LRTM1: variants seen among roughly 807,000 people sequenced by gnomAD.
LRTM1 encodes the protein leucine-rich repeat and transmembrane domain-containing protein 1.
Under a neutral mutation model 32.4 loss-of-function variants are expected in LRTM1, and 38 were observed. The ratio of observed to expected loss-of-function variants is 1.17; its 90% CI spans 0.91 to 1.54. The LOEUF (loss-of-function observed/expected upper bound fraction) is 1.54, where lower values mean the gene tolerates loss of function less well. Among genes scored for constraint, LRTM1 ranks in the 40% most tolerant of loss-of-function variants. LRTM1 has a pLI of 0.00. For synonymous variants in LRTM1, 186 were observed against 169.9 expected, an observed-to-expected ratio of 1.09 and a Z score of -0.74; for missense variants, 466 against 415.4, an observed-to-expected ratio of 1.12 and a Z score of -1.06.
intron 1 of LRTM1, among the ~76,000 whole-genome samples, chr3:54,926,271 A>C (rs1701014755): frequency 1.3e-5 from 2 of 152,136 alleles, no homozygotes; most frequent in Admixed American, 6.6e-5. Context: ...AATCCTCATA[A>C]CCTTGTAAAT....
rs74860108 is a variant in LRTM1 at position 54,941,077 on chromosome 3, G to A, written c.-221-15862C>T. Among the ~76,000 whole-genome samples, 15 of 152,304 alleles carry A rather than the reference G, an allele frequency of 9.8e-5. 1 individual carries two copies. In the East Asian group the frequency reaches 2.9e-3, roughly 29 times the overall value. On this transcript the variant is annotated intron_variant, in intron 1 of 2. Transcript: ENST00000493075. Reference sequence around the variant, plus strand: ...TTAAAGCAAATCAAACACTGGACTAGGGGAGGTTTTCCATGGTACGAGTAA... The same window carrying A: ...TTAAAGCAAATCAAACACTGGACTAAGGGAGGTTTTCCATGGTACGAGTAA...
intron 1 of LRTM1, among the ~76,000 whole-genome samples, chr3:54,964,962 C>T (rs992269516): frequency 2.6e-5 from 4 of 152,098 alleles, no homozygotes; most frequent in Admixed American, 6.5e-5. Context: ...ACTTCCTCTG[C>T]GAGCTTTCAG....
At chr3:54,964,793 T>C (rs1227075101) in intron 1 of LRTM1, among the ~76,000 whole-genome samples, 1 of 151,972 alleles carries the variant, frequency 6.6e-6, no homozygotes. Context: ...TATTTGCTTG[T>C]TTGTTGGGGG....
At chr3:54,937,282 A>G (rs79464691) in intron 1 of LRTM1, among the ~76,000 whole-genome samples, 1,724 of 152,336 alleles carry the variant, frequency 0.011, 34 homozygotes, top group African/African-American at 0.039. Flanking sequence ...ACACAGCTCA[A>G]TGAATGGACC....
At chr3:54,961,183 C>A (rs2107046972) in intron 1 of LRTM1, among the ~76,000 whole-genome samples, 1 of 152,326 alleles carries the variant, frequency 6.6e-6, no homozygotes, top group Non-Finnish European at 1.5e-5. Flanking sequence ...TCACTGCTAG[C>A]AATCTTTGCC....
intron 1 of LRTM1, among the ~76,000 whole-genome samples, chr3:54,949,705 GA>G (rs1286670431): frequency 1.3e-5 from 2 of 152,170 alleles, no homozygotes; most frequent in Non-Finnish European, 2.9e-5. Context: ...CAGGGCCTCA[GA>G]AAAATTCAGA....
chr3:54,925,209 A>C lies in LRTM1; in HGVS notation c.14T>G (p.Leu5Arg). Residue 5 changes from leucine to arginine, a missense_variant, in exon 2 of 3, where the codon CTG (leucine) becomes CGG (arginine). Physicochemically the swap from Leu to Arg is moderately radical, Grantham distance 102. Transcript: ENST00000273286. MKGE[L>R]LLFSSVIVLL... ...GACAATCACACTGGAAAACAGGAGC[A>C]GTTCACCTACAACAAACAGAAAGAA... 3 of 1,610,606 alleles carry C rather than the reference A, an allele frequency of 1.9e-6. No homozygotes were observed. The highest frequency in any genetic ancestry group is 2.5e-6 in the Non-Finnish European group (3 of 1,177,214).
chr3:54,929,571 T>G (rs1701132372), upstream of LRTM1, among the ~76,000 whole-genome samples: 1 of 152,188 alleles, frequency 6.6e-6, no homozygotes, highest in Non-Finnish European at 1.5e-5. Flanking sequence ...CCCAGTATAT[T>G]CATCCTGCCT....
intron 1 of LRTM1, among the ~76,000 whole-genome samples, chr3:54,947,400 G>A (rs558229559): frequency 1.3e-5 from 2 of 152,302 alleles, no homozygotes; most frequent in South Asian, 4.1e-4. Context: ...GCTGAGCAGG[G>A]AGAAAGAAAA....
intron 1 of LRTM1, among the ~76,000 whole-genome samples, chr3:54,964,656 A>G (rs980382503): frequency 1.3e-5 from 2 of 152,196 alleles, no homozygotes; most frequent in Non-Finnish European, 2.9e-5. Context: ...GGTCAAGAAA[A>G]GAAAAATGTG....
intron 1 of LRTM1, among the ~76,000 whole-genome samples, chr3:54,936,653 A>AT (rs1348005398): frequency 3.3e-5 from 5 of 152,142 alleles, no homozygotes; most frequent in East Asian, 1.9e-4. Flanking sequence ...TCGTGCTGTG[A>AT]TTTTTTAAGG....
At chr3:54,964,512 C>T (rs146743221) in intron 1 of LRTM1, among the ~76,000 whole-genome samples, 43 of 152,148 alleles carry the variant, frequency 2.8e-4, no homozygotes, top group African/African-American at 1.0e-3. Flanking sequence ...AATCAATATA[C>T]TGTTACTGCT....
At chr3:54,929,439 G>C (rs886685637), upstream of LRTM1, among the ~76,000 whole-genome samples, 2 of 152,190 alleles carry the variant, frequency 1.3e-5, no homozygotes, top group African/African-American at 4.8e-5. Flanking sequence ...CACTCTGCAG[G>C]TACAAAGGGA....
chr3:54,961,000 T>C (rs1283828692), intron 1 of LRTM1, among the ~76,000 whole-genome samples: 1 of 152,240 alleles, frequency 6.6e-6, no homozygotes, highest in Non-Finnish European at 1.5e-5. Flanking sequence ...GGGTTAATCA[T>C]GAAATATTCC....
Position 54,925,666 on chromosome 3 carries a change from A to G in LRTM1, c.8-451T>C, listed in dbSNP as rs1488662996. On this transcript the variant is annotated intron_variant, in intron 1 of 2. Transcript: ENST00000273286. The stretch of plus-strand genomic sequence containing the variant: ...CTGTCTAATACAACTTTCTGTGATG[A>G]TAGAAGTGTCCTACATCTGCTTTCC... Among the ~76,000 whole-genome samples the G allele has an allele frequency of 2.6e-5, 4 of 152,216 alleles. No homozygotes were observed. The East Asian group carries it at 7.7e-4, about 29-fold the overall frequency.
chr3:54,949,146 T>C (rs1405618560), intron 1 of LRTM1, among the ~76,000 whole-genome samples: 2 of 152,212 alleles, frequency 1.3e-5, no homozygotes, highest in Non-Finnish European at 2.9e-5. Context: ...TCCTAAAAGT[T>C]TCAGTTCAAT....
chr3:54,934,878 C>T (rs1391695056), intron 1 of LRTM1, among the ~76,000 whole-genome samples: 1 of 152,096 alleles, frequency 6.6e-6, no homozygotes, highest in Non-Finnish European at 1.5e-5. Context: ...ATTACAGGCA[C>T]ACACCACCAC....
At chr3:54,921,898 A>G (rs369815568) in intron 2 of LRTM1, among the ~76,000 whole-genome samples, 3 of 148,814 alleles carry the variant, frequency 2.0e-5, no homozygotes, top group Admixed American at 6.7e-5. Context: ...TAGTGTTTGC[A>G]TTTGTTTATA....
chr3:54,924,475 C>T, intron 2 of LRTM1, 144 bp downstream of exon 2: 1 of 660,756 alleles, frequency 1.5e-6, no homozygotes, highest in Non-Finnish European at 2.6e-6. Flanking sequence ...ACTCTTTTGC[C>T]ATACCGTGAA....
Sources: gnomAD v4.1 joint callset for allele counts (sites outside exome capture counted in the v4.1 genomes callset) on GRCh38, gnomAD v4.1.1 for gene constraint, MANE v1.5 for transcripts, NCBI Gene and HGNC (gene_info 2026-07-23, HGNC 2026-07-21) for gene names.